PDZD2: variants seen among roughly 807,000 people sequenced by gnomAD.
The protein encoded by PDZD2 is PDZ domain-containing protein 2.
A neutral mutation model predicts 220.7 loss-of-function variants in PDZD2; 90 were observed. That is an observed-to-expected ratio of 0.41 (90% CI 0.34 to 0.49). The LOEUF is 0.49. PDZD2 is among the 20% of genes least tolerant of loss of function. PDZD2 has a pLI of 0.28. For synonymous variants in PDZD2, 1,375 were observed against 1,450.5 expected (o/e 0.95, Z 1.18); for missense variants, 3,174 against 3,608.5 (o/e 0.88, Z 3.08).
chr5:31,706,323 G>A lies in PDZD2; in HGVS notation c.-361+66886G>A, dbSNP rs374738395. ...AGCAAAGACCTCAGTTTACGAATAA[G>A]GAACAGGTTTAGCAGGCAGTGGGGA... On this transcript the variant is annotated intron_variant, in intron 1 of 24. Transcript: ENST00000438447. Among the ~76,000 whole-genome samples, 10 of 152,290 alleles carry A rather than the reference G, an allele frequency of 6.6e-5. No homozygotes were observed. In the East Asian group the frequency reaches 1.9e-3, roughly 29 times the overall value.
At chr5:31,893,156 T>A (rs1741208899) in intron 2 of PDZD2, among the ~76,000 whole-genome samples, 1 of 152,166 alleles carries the variant, frequency 6.6e-6, no homozygotes, top group South Asian at 2.1e-4. Context: ...CTTGTGAGGG[T>A]TGTTTGTGTA....
intron 2 of PDZD2, among the ~76,000 whole-genome samples, chr5:31,817,875 G>A (rs1318693079): frequency 1.3e-5 from 2 of 151,978 alleles, no homozygotes; most frequent in Non-Finnish European, 2.9e-5. Flanking sequence ...TGTTCGTAAG[G>A]CTGGCCTTTA....
At chr5:31,918,423 GAGAA>G (rs1743873665) in intron 2 of PDZD2, among the ~76,000 whole-genome samples, 1 of 152,196 alleles carries the variant, frequency 6.6e-6, no homozygotes, top group Non-Finnish European at 1.5e-5. Flanking sequence ...AGTGAAGATA[GAGAA>G]AGAACCATCT....
rs112736305 is a variant in PDZD2, at chr5:32,007,904, A to T, written c.1255-2426A>T. ...CCGCATTTGCAGCAAGGCCTTCATG[A>T]TCTCACCTGCGTCTTACAGCCTACT... On this transcript the variant is annotated intron_variant, in intron 5 of 24. Transcript: ENST00000438447. Among the ~76,000 whole-genome samples the T allele has an allele frequency of 2.7e-3, 403 of 151,704 alleles. 4 individuals carry two copies. The highest frequency in any genetic ancestry group is 9.3e-3 in the African/African-American group (386 of 41,404).
chr5:31,795,834 G>T (rs572708381), intron 1 of PDZD2, among the ~76,000 whole-genome samples: 43 of 152,288 alleles, frequency 2.8e-4, no homozygotes, highest in African/African-American at 9.9e-4. Context: ...ATAGAATAAA[G>T]GACTGGAAGG....
At chr5:31,644,223 A>G (rs1422690189) in intron 1 of PDZD2, among the ~76,000 whole-genome samples, 1 of 152,214 alleles carries the variant, frequency 6.6e-6, no homozygotes, top group Non-Finnish European at 1.5e-5. Flanking sequence ...GGACCTATGC[A>G]TCGGTTGCAT....
At chr5:32,100,678 G>T in intron 23 of PDZD2, 1 of 374,248 alleles carries the variant, frequency 2.7e-6, no homozygotes, top group Non-Finnish European at 5.3e-6. Flanking sequence ...CCAAGTCTTG[G>T]TACCAGAGGA....
chr5:31,651,677 G>T (rs1480957358), intron 1 of PDZD2, among the ~76,000 whole-genome samples: 1 of 152,024 alleles, frequency 6.6e-6, no homozygotes, highest in Non-Finnish European at 1.5e-5. Flanking sequence ...TGTTGCCCAG[G>T]CTGGAGTGCA....
chr5:31,919,806 A>T (rs1237334077), intron 2 of PDZD2, among the ~76,000 whole-genome samples: 5 of 148,616 alleles, frequency 3.4e-5, no homozygotes, highest in African/African-American at 9.9e-5. Context: ...TGAGGCCAGG[A>T]GTTTGAGACC....
intron 2 of PDZD2, among the ~76,000 whole-genome samples, chr5:31,808,080 T>G (rs1366394815): frequency 6.6e-6 from 1 of 152,050 alleles, no homozygotes; most frequent in Non-Finnish European, 1.5e-5. Flanking sequence ...GTGATGTAGG[T>G]AGGAGATGGT....
intron 2 of PDZD2, among the ~76,000 whole-genome samples, chr5:31,966,939 A>C (rs980537961): frequency 6.6e-6 from 1 of 152,234 alleles, no homozygotes; most frequent in Non-Finnish European, 1.5e-5. Context: ...TGTAGAGAAG[A>C]GATTCAGGAG....
intron 2 of PDZD2, among the ~76,000 whole-genome samples, chr5:31,969,467 C>G (rs369177361): frequency 7.8e-6 from 1 of 128,658 alleles, no homozygotes; most frequent in Admixed American, 9.6e-5. Flanking sequence ...TGAGATTACA[C>G]GACTGTACTC....
At chr5:32,058,239 C>A in intron 12 of PDZD2, 136 bp downstream of exon 12, 2 of 638,104 alleles carry the variant, frequency 3.1e-6, no homozygotes, top group South Asian at 1.9e-5. Context: ...GTGGTCTCTG[C>A]ATGGGACAGT....
At position 31,788,692 on chromosome 5, in the gene PDZD2, A is replaced by T. The variant is rs1328929528; in HGVS notation, c.-360-10197A>T. ...AAATAAATAAATAAATTAAATAAATAAAATAAAATTAGCTCTCCCAAAACC... is the reference window on the plus strand; with the variant it reads ...AAATAAATAAATAAATTAAATAAATTAAATAAAATTAGCTCTCCCAAAACC... On this transcript the variant is annotated intron_variant, in intron 1 of 24. Coordinates refer to ENST00000438447, the MANE Select transcript of PDZD2 (RefSeq NM_178140.4). 4.0e-5 allele frequency among the ~76,000 whole-genome samples: 6 copies of T among 151,606 alleles called. No individual in the cohort carries two copies. The East Asian group carries it at 5.8e-4, about 15-fold the overall frequency.
At chr5:31,787,371 T>TCTTACACA (rs1439317668) in intron 1 of PDZD2, among the ~76,000 whole-genome samples, 1 of 152,212 alleles carries the variant, frequency 6.6e-6, no homozygotes, top group Non-Finnish European at 1.5e-5. Context: ...GAGTAAACAG[T>TCTTACACA]CTTAAACCGC....
chr5:31,693,484 C>T (rs1397172660), intron 1 of PDZD2, among the ~76,000 whole-genome samples: 1 of 152,072 alleles, frequency 6.6e-6, no homozygotes, highest in Non-Finnish European at 1.5e-5. Context: ...TCGTGATCTG[C>T]CCACCTCGGC....
intron 1 of PDZD2, among the ~76,000 whole-genome samples, chr5:31,706,461 G>A (rs1747825122): frequency 6.6e-6 from 1 of 152,094 alleles, no homozygotes; most frequent in South Asian, 2.1e-4. Context: ...CAGTTCAGCA[G>A]GTAGGCATGT....
At chr5:32,025,869 G>A (rs1295324018) in intron 6 of PDZD2, among the ~76,000 whole-genome samples, 1 of 151,706 alleles carries the variant, frequency 6.6e-6, no homozygotes, top group Admixed American at 6.6e-5. Context: ...CAGAGTGCTG[G>A]GACTGCAGGC....
intron 2 of PDZD2, among the ~76,000 whole-genome samples, chr5:31,918,777 G>A (rs866303582): frequency 5.9e-5 from 9 of 152,020 alleles, no homozygotes; most frequent in Non-Finnish European, 1.0e-4. Context: ...TGATGGCACC[G>A]GCACTTAGCC....
Sources: gnomAD v4.1 joint callset for allele counts (sites outside exome capture counted in the v4.1 genomes callset) on GRCh38, gnomAD v4.1.1 for gene constraint, MANE v1.5 for transcripts, NCBI Gene and HGNC (gene_info 2026-07-23, HGNC 2026-07-21) for gene names.